Variants in NEDD4 observed in about 807,000 individuals in gnomAD.
The protein encoded by NEDD4 is NEDD4 E3 ubiquitin protein ligase.
In NEDD4, 99 loss-of-function variants were observed where a neutral mutation model predicts 144.9. The ratio of observed to expected loss-of-function variants is 0.68; its 90% CI spans 0.58 to 0.81. The LOEUF (loss-of-function observed/expected upper bound fraction) is 0.81. Ranked by LOEUF, NEDD4 falls within the 30% of genes least tolerant of loss-of-function variation. NEDD4 has a pLI of 0.00. For synonymous variants in NEDD4, 318 were observed against 350.6 expected, an observed-to-expected ratio of 0.91 and a Z score of 1.04; for missense variants, 985 against 1,065.9, an observed-to-expected ratio of 0.92 and a Z score of 1.06.
intron 2 of NEDD4, among the ~76,000 whole-genome samples, chr15:55,962,454 T>G (rs1256459233): frequency 1.3e-5 from 2 of 152,220 alleles, no homozygotes; most frequent in African/African-American, 4.8e-5. Context: ...TTTTTTTGTT[T>G]GTTTTTGAGA....
At chr15:55,851,484 T>A (rs936702612) in intron 13 of NEDD4, among the ~76,000 whole-genome samples, 3 of 145,022 alleles carry the variant, frequency 2.1e-5, no homozygotes, top group Non-Finnish European at 3.0e-5. Context: ...TCTTTTCTGT[T>A]TTTTTTTTTC....
At chr15:55,911,007 C>T (rs1385782887) in intron 5 of NEDD4, among the ~76,000 whole-genome samples, 1 of 152,044 alleles carries the variant, frequency 6.6e-6, no homozygotes, top group African/African-American at 2.4e-5. Context: ...GGACTCTGAC[C>T]CACTTCTGGC....
At position 55,827,461 on chromosome 15, in the gene NEDD4, T is replaced by G. The variant is rs186497540; in HGVS notation, c.*2436A>C. On this transcript the variant is annotated 3_prime_UTR_variant, in exon 29 of 29. Coordinates refer to ENST00000435532, the MANE Select transcript of NEDD4 (RefSeq NM_006154.4). ...TTGAGTCTGGTCTCATTTAACATCATGTTCTATGAGTCACAGAATCATCCA... is the reference window on the plus strand; with the variant it reads ...TTGAGTCTGGTCTCATTTAACATCAGGTTCTATGAGTCACAGAATCATCCA... 39 of 152,366 alleles carry G rather than the reference T, an allele frequency of 2.6e-4. No individual in the cohort carries two copies. Among genetic ancestry groups the G allele is most frequent in the African/African-American group, 8.2e-4 (34 of 41,586 alleles). The allele number at this position is 152,366 out of a possible 1,614,324, so 9.4% of individuals were successfully genotyped here.
rs138767007 is a variant in NEDD4 at position 55,837,821 on chromosome 15, G to C, written c.2230C>G (p.Arg744Gly). The change falls in exon 24 of 29, where the codon CGA becomes GGA. Residue 744 changes from arginine to glycine, a missense_variant. Arg to Gly is a moderately radical substitution (Grantham distance 125). Transcript: ENST00000435532. Reference sequence around the variant, plus strand: ...AAAGCAGCCATTTGCTTCTGGATTCGGTTTACAAATCGCCATTGTATTACA... The same window carrying C: ...AAAGCAGCCATTTGCTTCTGGATTCCGTTTACAAATCGCCATTGTATTACA... ...YLVIQWRFVN[R>G]IQKQMAAFKE... 3.1e-6 allele frequency: 5 copies of C among 1,611,420 alleles called. No homozygotes were observed. Among genetic ancestry groups the C allele is most frequent in the Non-Finnish European group, 4.2e-6 (5 of 1,178,574 alleles).
intron 1 of NEDD4, among the ~76,000 whole-genome samples, chr15:55,971,441 A>G (rs1457662730): frequency 6.6e-6 from 1 of 152,010 alleles, no homozygotes; most frequent in Non-Finnish European, 1.5e-5. Flanking sequence ...TCTGTCCAAC[A>G]TGGTTAAACC....
rs919291836 is a variant in NEDD4, at chr15:55,915,471, C to T, written c.291+9175G>A. On this transcript the variant is annotated intron_variant, in intron 5 of 28. Coordinates refer to ENST00000435532, the MANE Select transcript of NEDD4 (RefSeq NM_006154.4). ...AGCTCCTCCCAATGAAATACTTCTT[C>T]GTAAAATACCATGGTTTTTGTTCAT... is the stretch of plus-strand genomic sequence containing the variant. 10 of 1,613,542 alleles carry T rather than the reference C, an allele frequency of 6.2e-6. No homozygotes were observed. Among genetic ancestry groups the T allele is most frequent in the African/African-American group, 2.7e-5 (2 of 74,918 alleles).
At chr15:55,947,450 C>T (rs150347474) in intron 4 of NEDD4, among the ~76,000 whole-genome samples, 12,467 of 152,156 alleles carry the variant, frequency 0.082, 633 homozygotes, top group Middle Eastern at 0.16. Context: ...ATACACCCTC[C>T]CAAGACTAAA....
At chr15:55,906,469 C>A (rs1347340281) in intron 5 of NEDD4, among the ~76,000 whole-genome samples, 3 of 152,152 alleles carry the variant, frequency 2.0e-5, no homozygotes, top group Non-Finnish European at 1.5e-5. Flanking sequence ...ATGATGAGTT[C>A]ATGTCCTCTG....
chr15:55,916,531 G>A, intron 5 of NEDD4: 2 of 1,614,094 alleles, frequency 1.2e-6, no homozygotes, highest in Non-Finnish European at 1.7e-6. Context: ...TTGCTAGACT[G>A]AAGATATCCA....
At chr15:55,840,879 CAA>C in intron 19 of NEDD4, 152 bp from the exon 20 acceptor site, 1 of 811,472 alleles carries the variant, frequency 1.2e-6, no homozygotes, top group Non-Finnish European at 1.9e-6. Context: ...TAATTTCTGT[CAA>C]AAAGTGGAAA....
chr15:55,852,381 G>A, intron 13 of NEDD4, 43 bp downstream of exon 13: 1 of 1,590,162 alleles, frequency 6.3e-7, no homozygotes, highest in Non-Finnish European at 8.6e-7. Context: ...GGATGTGACA[G>A]TTTAAATCCT....
chr15:55,880,939 C>A (rs544207009), intron 5 of NEDD4, among the ~76,000 whole-genome samples: 14 of 152,184 alleles, frequency 9.2e-5, no homozygotes, highest in African/African-American at 3.1e-4. Context: ...ACCCCTGCTC[C>A]CCTTTCCCTG....
In NEDD4 at chr15:55,848,514, C is replaced by T; in HGVS notation, c.1483+7G>A. On this transcript the variant is annotated splice_region_variant and intron_variant, in intron 16 of 28. Coordinates refer to ENST00000435532, the MANE Select transcript of NEDD4 (RefSeq NM_006154.4). Reference sequence around the variant, plus strand: ...AATAACATAATGAAAAATCGCACTGCACATACTGTGATTTATGTAGAAGAT... The same window carrying T: ...AATAACATAATGAAAAATCGCACTGTACATACTGTGATTTATGTAGAAGAT... 1.2e-6 allele frequency: 2 copies of T among 1,613,158 alleles called. No homozygotes were observed. The highest frequency in any genetic ancestry group is 1.7e-6 in the Non-Finnish European group (2 of 1,179,228).
At chr15:55,840,000 ATATATATATATATATATATAT>A (rs1364130631) in intron 21 of NEDD4, among the ~76,000 whole-genome samples, 10 of 13,420 alleles carry the variant, frequency 7.5e-4, no homozygotes, top group African/African-American at 2.4e-3. Flanking sequence ...AAAAAAAAAA[ATATATATATATATATATATAT>A]ATATATATAT....
intron 5 of NEDD4, among the ~76,000 whole-genome samples, chr15:55,892,083 C>T (rs921350585): frequency 1.3e-5 from 2 of 151,718 alleles, no homozygotes; most frequent in Non-Finnish European, 2.9e-5. Flanking sequence ...CTGGTCAAAA[C>T]GGCCAAACCC....
intron 1 of NEDD4, among the ~76,000 whole-genome samples, chr15:55,989,736 G>T (rs1404943405): frequency 2.0e-5 from 3 of 152,204 alleles, no homozygotes; most frequent in African/African-American, 7.2e-5. Context: ...TAAGAAGAAA[G>T]AAGCTAATAC....
In NEDD4 at chr15:55,829,238, T is replaced by C. The variant is rs967582117; in HGVS notation, c.*659A>G. The C allele has an allele frequency of 2.6e-5, 4 of 152,214 alleles. No homozygotes were observed. The highest frequency in any genetic ancestry group is 4.4e-5 in the Non-Finnish European group (3 of 68,044). 9.4% of individuals were successfully genotyped at this position (152,214 alleles called of 1,614,324 possible). A position where few individuals can be genotyped will look rare whatever the true frequency, so the allele number is the denominator to read the frequency against. On this transcript the variant is annotated 3_prime_UTR_variant, in exon 29 of 29. Transcript: ENST00000435532. ...ACCATCTGTTTAGTAAAACTGCATA[T>C]TAACAAAAGCCAAATACTTCGAAAG...
At chr15:55,863,476 T>C (rs1453023876) in intron 8 of NEDD4, among the ~76,000 whole-genome samples, 1 of 152,198 alleles carries the variant, frequency 6.6e-6, no homozygotes, top group Non-Finnish European at 1.5e-5. Flanking sequence ...TGAGGTGATT[T>C]AATGAGATTA....
intron 1 of NEDD4, among the ~76,000 whole-genome samples, chr15:55,979,387 C>A (rs2037761488): frequency 7.2e-6 from 1 of 139,094 alleles, no homozygotes; most frequent in Non-Finnish European, 1.5e-5. Context: ...CGCTCTGTCG[C>A]CCAGGCCGGA....
Sources: allele counts gnomAD v4.1 joint callset (sites outside exome capture counted in the v4.1 genomes callset), GRCh38; gene constraint gnomAD v4.1.1; transcripts MANE v1.5; gene names NCBI Gene and HGNC (gene_info 2026-07-23, HGNC 2026-07-21).